ZSWIM3: variants seen among roughly 807,000 people sequenced by gnomAD.
The protein encoded by ZSWIM3 is zinc finger SWIM-type containing 3, also known as zinc finger SWIM domain-containing protein 3.
In ZSWIM3, 27 loss-of-function variants were observed where a neutral mutation model predicts 47.5. The observed-to-expected ratio is 0.57, with a 90% CI of 0.42 to 0.78. ZSWIM3 has a LOEUF of 0.78. ZSWIM3 is among the 30% of genes least tolerant of loss of function. ZSWIM3 has a pLI of 0.00. For missense variants in ZSWIM3, 689 were observed against 861.3 expected (o/e 0.80, Z 2.50); for synonymous variants, 333 against 333.9 (o/e 1.00, Z 0.03).
In ZSWIM3 at chr20:45,878,383, C is replaced by T. The variant is rs768109084; in HGVS notation, c.1825C>T (p.Gln609Ter). 3 of 1,614,090 alleles carry T rather than the reference C, an allele frequency of 1.9e-6. No individual in the cohort carries two copies. Among genetic ancestry groups the T allele is most frequent in the Non-Finnish European group, 2.5e-6 (3 of 1,180,048 alleles). Residue 609 changes from glutamine to a stop codon, truncating the protein, a stop_gained, in exon 2 of 2, where the codon CAG becomes TAG. Coordinates refer to ENST00000255152, the MANE Select transcript of ZSWIM3 (RefSeq NM_080752.4). LOFTEE classifies it high-confidence loss of function. ...TCGTGGTATGGTCCCAAACACAGGCCAGCCTGAGAAGCAAGGACGGAACGA... is the reference window on the plus strand; with the variant it reads ...TCGTGGTATGGTCCCAAACACAGGCTAGCCTGAGAAGCAAGGACGGAACGA... ...QDRGMVPNTG[Q>*]PEKQGRNDMI...
At chr20:45,861,550 G>A (rs759645168) in intron 1 of ZSWIM3, among the ~76,000 whole-genome samples, 5 of 152,134 alleles carry the variant, frequency 3.3e-5, no homozygotes, top group African/African-American at 9.7e-5. Context: ...TTGGAGGGTT[G>A]ATAAGCAGGT....
chr20:45,878,731 T>A lies in ZSWIM3; in HGVS notation c.*82T>A. Reference sequence around the variant, plus strand: ...TAAAGTGGGCAGGACATACTAGGGTTTAGCATTTTAGCCAATGTCTTCCTA... The same window carrying A: ...TAAAGTGGGCAGGACATACTAGGGTATAGCATTTTAGCCAATGTCTTCCTA... On this transcript the variant is annotated 3_prime_UTR_variant, in exon 2 of 2. Coordinates refer to ENST00000255152, the MANE Select transcript of ZSWIM3 (RefSeq NM_080752.4). 2.0e-6 allele frequency: 3 copies of A among 1,493,692 alleles called. No homozygotes were observed. Among genetic ancestry groups the A allele is most frequent in the Non-Finnish European group, 2.7e-6 (3 of 1,119,576 alleles). 92.5% of individuals were successfully genotyped at this position (1,493,692 alleles called of 1,614,324 possible).
Position 45,875,304 on chromosome 20 carries a change from A to G in ZSWIM3, c.156-1410A>G, listed in dbSNP as rs573494092. 2.0e-3 allele frequency among the ~76,000 whole-genome samples: 311 copies of G among 151,950 alleles called. 1 individual carries two copies. Among genetic ancestry groups the G allele is most frequent in the Admixed American group, 5.4e-3 (83 of 15,242 alleles). On this transcript the variant is annotated intron_variant, in intron 1 of 1. Coordinates refer to ENST00000255152, the MANE Select transcript of ZSWIM3 (RefSeq NM_080752.4). ...TGATTCACCCGCCTCGGCCTCCCAAAGTGGTGGGATTACAGGCGTGAGCCA... is the reference window on the plus strand; with the variant it reads ...TGATTCACCCGCCTCGGCCTCCCAAGGTGGTGGGATTACAGGCGTGAGCCA...
chr20:45,876,518 T>G (rs940365029), intron 1 of ZSWIM3, among the ~76,000 whole-genome samples, 196 bp from the exon 2 acceptor site: 24 of 152,058 alleles, frequency 1.6e-4, no homozygotes, highest in Admixed American at 3.3e-4. Context: ...TTTAAATTTT[T>G]TGTAGAGCCA....
chr20:45,872,842 C>T, intron 1 of ZSWIM3: 1 of 1,270,038 alleles, frequency 7.9e-7, no homozygotes, highest in African/African-American at 1.5e-5. Context: ...ACACTCTCAG[C>T]CCCAAACCCC....
intron 1 of ZSWIM3, among the ~76,000 whole-genome samples, chr20:45,859,433 A>AG (rs1601109298): frequency 2.1e-5 from 2 of 96,298 alleles, no homozygotes; most frequent in East Asian, 6.2e-4. Context: ...GAAAAAAAAA[A>AG]AAAAAAAGAA....
chr20:45,874,247 C>T (rs1252917076), intron 1 of ZSWIM3, among the ~76,000 whole-genome samples: 3 of 152,190 alleles, frequency 2.0e-5, no homozygotes, highest in South Asian at 2.1e-4. Flanking sequence ...GGCGGTGGCT[C>T]ACGCCTGTAA....
chr20:45,868,109 T>C (rs938479957), intron 1 of ZSWIM3, among the ~76,000 whole-genome samples: 2 of 152,222 alleles, frequency 1.3e-5, no homozygotes, highest in Non-Finnish European at 2.9e-5. Context: ...GATGAAGAGA[T>C]ACATTAAGCA....
In ZSWIM3 at chr20:45,857,634, C is replaced by A. The variant is rs564295332; in HGVS notation, c.-192C>A. On this transcript the variant is annotated 5_prime_UTR_variant, in exon 1 of 2. Coordinates refer to ENST00000255152, the MANE Select transcript of ZSWIM3 (RefSeq NM_080752.4). Reference sequence around the variant, plus strand: ...CCCCTGTCAGATAGCAAATACACCCCCTTCCTCTTGTAACCCGGTCAGGCC... The same window carrying A: ...CCCCTGTCAGATAGCAAATACACCCACTTCCTCTTGTAACCCGGTCAGGCC... The A allele has an allele frequency of 3.6e-5, 26 of 714,830 alleles. No homozygotes were observed. The highest frequency in any genetic ancestry group is 1.7e-4 in the Admixed American group (7 of 40,410). The allele number at this position is 714,830 out of a possible 1,614,324, so 44.3% of individuals were successfully genotyped here. A position where few individuals can be genotyped will look rare whatever the true frequency, so the allele number is the denominator to read the frequency against.
chr20:45,866,612 C>T (rs1323612723), intron 1 of ZSWIM3, among the ~76,000 whole-genome samples: 2 of 152,104 alleles, frequency 1.3e-5, no homozygotes, highest in Non-Finnish European at 2.9e-5. Flanking sequence ...TCAAGACCGG[C>T]CTGGGCAACA....
chr20:45,866,194 CAG>C (rs1218747360), intron 1 of ZSWIM3, among the ~76,000 whole-genome samples: 2 of 151,820 alleles, frequency 1.3e-5, no homozygotes, highest in East Asian at 2.0e-4. Flanking sequence ...CCCAGCTACT[CAG>C]GGGGCTGAGG....
chr20:45,877,805 T>C lies in ZSWIM3; in HGVS notation c.1247T>C (p.Ile416Thr), dbSNP rs1986140688. 1 of 1,614,078 alleles carries C rather than the reference T, an allele frequency of 6.2e-7. No homozygotes were observed. Among genetic ancestry groups the C allele is most frequent in the African/African-American group, 1.3e-5 (1 of 74,920 alleles). Residue 416 changes from isoleucine to threonine, a missense_variant, in exon 2 of 2, where the codon ATC becomes ACC. Coordinates refer to ENST00000255152, the MANE Select transcript of ZSWIM3 (RefSeq NM_080752.4). The part of the protein sequence containing the change: ...FREQQSLLDC[I>T]LCFVDYIDFF... ...GAACAGCAGTCGCTGCTGGACTGCA[T>C]CCTCTGCTTTGTGGATTACATAGAC...
chr20:45,872,783 C>T lies in ZSWIM3; in HGVS notation c.156-3931C>T, dbSNP rs765801783. The T allele has an allele frequency of 1.6e-5, 20 of 1,289,246 alleles. No individual in the cohort carries two copies. In the African/African-American group the frequency reaches 1.8e-4, roughly 12 times the overall value. The allele number at this position is 1,289,246 out of a possible 1,614,324, so 79.9% of individuals were successfully genotyped here. Reference sequence around the variant, plus strand: ...TGGACTGCTCCAGCCCTTCCTGGCCCAGAGCTAGAGATGGCACCACCCCCG... The same window carrying T: ...TGGACTGCTCCAGCCCTTCCTGGCCTAGAGCTAGAGATGGCACCACCCCCG... On this transcript the variant is annotated intron_variant, in intron 1 of 1. Transcript: ENST00000255152.
chr20:45,864,995 C>G (rs1985802238), intron 1 of ZSWIM3, among the ~76,000 whole-genome samples: 1 of 151,864 alleles, frequency 6.6e-6, no homozygotes, highest in Non-Finnish European at 1.5e-5. Context: ...ACGGAGAAAC[C>G]CTGTCTCTAC....
At chr20:45,874,373 G>A (rs1270384068) in intron 1 of ZSWIM3, among the ~76,000 whole-genome samples, 2 of 152,168 alleles carry the variant, frequency 1.3e-5, no homozygotes, top group Non-Finnish European at 2.9e-5. Context: ...TTAGTCAGGT[G>A]CAGTGCTGCA....
intron 1 of ZSWIM3, 46 bp downstream of exon 1, chr20:45,858,026 C>T: frequency 6.3e-7 from 1 of 1,581,796 alleles, no homozygotes; most frequent in South Asian, 1.2e-5. Flanking sequence ...GGGGAGGAGG[C>T]TGGACCTCCG....
At chr20:45,869,221 T>C (rs1238874137) in intron 1 of ZSWIM3, among the ~76,000 whole-genome samples, 2 of 152,078 alleles carry the variant, frequency 1.3e-5, no homozygotes, top group African/African-American at 2.4e-5. Context: ...CTATTCCCTA[T>C]GAAATGTTTC....
chr20:45,877,448 T>A lies in ZSWIM3; in HGVS notation c.890T>A (p.Ile297Asn). 3 of 1,614,174 alleles carry A rather than the reference T, an allele frequency of 1.9e-6. No homozygotes were observed. The highest frequency in any genetic ancestry group is 1.7e-6 in the Non-Finnish European group (2 of 1,180,024). Residue 297 changes from isoleucine to asparagine, a missense_variant, in exon 2 of 2, where the codon ATC (isoleucine) becomes AAC (asparagine). By Grantham distance (149) the Ile-to-Asn change is moderately radical. Transcript: ENST00000255152. Reference sequence around the variant, plus strand: ...CATTACCGGGCTATCCTGCAGGAGATCTTTCCTGCTGCCCGCATCCTCCTT... The same window carrying A: ...CATTACCGGGCTATCCTGCAGGAGAACTTTCCTGCTGCCCGCATCCTCCTT... ...SFHYRAILQE[I>N]FPAARILLSI...
intron 1 of ZSWIM3, among the ~76,000 whole-genome samples, chr20:45,859,792 C>CAAAAAAAAAAAAAAA (rs765560893): frequency 1.9e-5 from 1 of 52,088 alleles, no homozygotes; most frequent in East Asian, 5.0e-4. Flanking sequence ...GAGAGGAATA[C>CAAAAAAAAAAAAAAA]AAAAAAAAAA....
Sources: gnomAD v4.1 joint callset for allele counts (sites outside exome capture counted in the v4.1 genomes callset) on GRCh38, gnomAD v4.1.1 for gene constraint, MANE v1.5 for transcripts, NCBI Gene and HGNC (gene_info 2026-07-23, HGNC 2026-07-21) for gene names.